ZNF385C: variants seen among roughly 807,000 people sequenced by gnomAD.
ZNF385C encodes zinc finger protein 385C, also known as CTD-2132N18.2.
ZNF385C carries 28 observed loss-of-function variants against 35.4 expected under a neutral mutation model. The observed-to-expected ratio is 0.79, with a 90% confidence interval of 0.59 to 1.08. The LOEUF is 1.08. Ranked by LOEUF, ZNF385C falls within the 50% of genes least tolerant of loss-of-function variation. The probability of loss-of-function intolerance (pLI) is 0.00; values close to 1 mark genes in which losing one functional copy is unlikely to be tolerated. For missense variants in ZNF385C, 605 were observed against 595.6 expected, an observed-to-expected ratio of 1.02 and a Z score of -0.16; for synonymous variants, 248 against 248.2, an observed-to-expected ratio of 1.00 and a Z score of 0.01.
At chr17:42,059,339 T>G (rs1445031791) in intron 2 of ZNF385C, among the ~76,000 whole-genome samples, 4 of 152,240 alleles carry the variant, frequency 2.6e-5, no homozygotes, top group Non-Finnish European at 5.9e-5. Flanking sequence ...CCCAGCATCC[T>G]GCCTGAGCCC....
chr17:42,094,031 T>G (rs556737278), intron 1 of ZNF385C, among the ~76,000 whole-genome samples: 11 of 151,716 alleles, frequency 7.3e-5, no homozygotes, highest in African/African-American at 2.7e-4. Flanking sequence ...TTGCCCAGGC[T>G]GGAGTGCAAT....
At chr17:42,029,392 CAT>C (rs1366311079) in intron 5 of ZNF385C, among the ~76,000 whole-genome samples, 41 of 152,346 alleles carry the variant, frequency 2.7e-4, no homozygotes, top group African/African-American at 9.6e-4. Flanking sequence ...AAACTACCCA[CAT>C]GTCCACCAAC....
In ZNF385C at chr17:42,031,747, G is replaced by A. The variant is rs1555655024; in HGVS notation, c.548C>T (p.Ala183Val). The A allele has an allele frequency of 6.4e-7, 1 of 1,550,888 alleles. No individual in the cohort carries two copies. Among genetic ancestry groups the A allele is most frequent in the South Asian group, 1.2e-5 (1 of 84,062 alleles). The change falls in exon 5 of 9, where the codon GCC becomes GTC. Residue 183 changes from alanine to valine, a missense_variant. Ala to Val is a moderately conservative substitution (Grantham distance 64, BLOSUM62 0). Transcript: ENST00000692273. ...AEAHYKGHKHARKLKAVEAAK... is the reference protein window; with the variant it reads ...AEAHYKGHKHVRKLKAVEAAK... ...AGCCTCGACAGCCTTGAGTTTTCTGGCGTGTTTGTGGCCTTTATAATGTGC... is the reference window on the plus strand; with the variant it reads ...AGCCTCGACAGCCTTGAGTTTTCTGACGTGTTTGTGGCCTTTATAATGTGC...
intron 1 of ZNF385C, among the ~76,000 whole-genome samples, chr17:42,063,396 C>T (rs554419141): frequency 3.3e-5 from 5 of 152,206 alleles, no homozygotes; most frequent in South Asian, 4.1e-4. Context: ...GGCATGGTGG[C>T]GCATGCCTGT....
intron 2 of ZNF385C, among the ~76,000 whole-genome samples, chr17:42,041,445 C>T (rs540944719): frequency 2.6e-5 from 4 of 152,342 alleles, no homozygotes; most frequent in East Asian, 1.9e-4. Flanking sequence ...CCACCACACC[C>T]GGTCTAGTTT....
At chr17:42,052,984 A>T (rs2053312041) in intron 2 of ZNF385C, among the ~76,000 whole-genome samples, 1 of 152,220 alleles carries the variant, frequency 6.6e-6, no homozygotes, top group Admixed American at 6.5e-5. Flanking sequence ...TCTGCGAAGA[A>T]TATGGGAGTC....
chr17:42,064,666 TCTC>T (rs2143863755), intron 1 of ZNF385C, among the ~76,000 whole-genome samples: 1 of 152,198 alleles, frequency 6.6e-6, no homozygotes, highest in South Asian at 2.1e-4. Context: ...TTCAAGTGAT[TCTC>T]CTGCCTCAAC....
chr17:42,079,203 A>ATAT (rs1555659528), intron 1 of ZNF385C, among the ~76,000 whole-genome samples: 1 of 113,822 alleles, frequency 8.8e-6, no homozygotes, highest in East Asian at 2.2e-4. Context: ...AAAAAAAAAA[A>ATAT]ATATATATAT....
intron 1 of ZNF385C, among the ~76,000 whole-genome samples, chr17:42,091,721 C>T (rs1336184425): frequency 6.6e-6 from 1 of 152,200 alleles, no homozygotes; most frequent in Non-Finnish European, 1.5e-5. Flanking sequence ...GTCTCATTCC[C>T]AATTAGCACC....
intron 1 of ZNF385C, among the ~76,000 whole-genome samples, chr17:42,088,832 C>CT (rs1437890016): frequency 1.3e-5 from 2 of 152,022 alleles, no homozygotes; most frequent in Non-Finnish European, 2.9e-5. Flanking sequence ...TTACCCTGCC[C>CT]TTTTTTACCC....
chr17:42,088,748 T>G (rs2053835632), intron 1 of ZNF385C, among the ~76,000 whole-genome samples: 1 of 151,906 alleles, frequency 6.6e-6, no homozygotes, highest in African/African-American at 2.4e-5. Context: ...GAGCTAAGGG[T>G]GTGGGAATGG....
intron 2 of ZNF385C, among the ~76,000 whole-genome samples, chr17:42,058,494 C>A (rs1460051645): frequency 6.6e-6 from 1 of 152,142 alleles, no homozygotes; most frequent in East Asian, 1.9e-4. Flanking sequence ...CCCCAGGGAG[C>A]CTCCACCAGG....
chr17:42,053,865 G>A (rs1341311175), intron 2 of ZNF385C, among the ~76,000 whole-genome samples: 11 of 152,090 alleles, frequency 7.2e-5, no homozygotes, highest in Admixed American at 2.6e-4. Context: ...GCCTTTGGAG[G>A]CACCACCGCG....
At chr17:42,037,662 G>T in intron 3 of ZNF385C, 75 bp downstream of exon 3, 1 of 1,439,238 alleles carries the variant, frequency 6.9e-7, no homozygotes, top group Non-Finnish European at 9.2e-7. Flanking sequence ...GCTGAGAGCT[G>T]GACCCTCTGA....
In ZNF385C at chr17:42,062,962, T is replaced by A. The variant is rs1221821327; in HGVS notation, c.95A>T (p.Lys32Met). Residue 32 changes from lysine to methionine, a missense_variant, in exon 2 of 9, where the codon AAG becomes ATG. Physicochemically the swap from Lys to Met is moderately conservative, Grantham distance 95. Coordinates refer to ENST00000692273, the MANE Select transcript of ZNF385C (RefSeq NM_001392013.1). The stretch of plus-strand genomic sequence containing the variant: ...TGGCCGCTTTCTTTCTCGCTTGGGC[T>A]TAGGTGGTTCTGGGGGCCGAGGGAG... ...ECLPRPPEPP[K>M]PKRERKRPSY... The A allele has an allele frequency of 1.4e-6, 1 of 693,902 alleles. No homozygotes were observed. The highest frequency in any genetic ancestry group is 1.8e-5 in the African/African-American group (1 of 56,466). 43.0% of individuals were successfully genotyped at this position (693,902 alleles called of 1,614,324 possible). A position where few individuals can be genotyped will look rare whatever the true frequency, so the allele number is the denominator to read the frequency against.
chr17:42,059,166 C>T (rs544665011), intron 2 of ZNF385C, among the ~76,000 whole-genome samples: 3 of 152,208 alleles, frequency 2.0e-5, no homozygotes, highest in Non-Finnish European at 4.4e-5. Context: ...GACCCGTCCC[C>T]ACTGCCTTAG....
At position 42,037,750 on chromosome 17, in the gene ZNF385C, G is replaced by A. The variant is rs1555655621; in HGVS notation, c.386C>T (p.Pro129Leu). Residue 129 changes from proline (P) to leucine (L), a missense_variant, in exon 3 of 9, where the codon CCC becomes CTC. Coordinates refer to ENST00000692273, the MANE Select transcript of ZNF385C (RefSeq NM_001392013.1). ...CCCAGCCCATACCGTGCTGAAGTTGGGGAAGAGACTGAGCGGGGCAGCGCC... is the reference window on the plus strand; with the variant it reads ...CCCAGCCCATACCGTGCTGAAGTTGAGGAAGAGACTGAGCGGGGCAGCGCC... ...FNGAAPLSLF[P>L]NFSTMDPVQK... is the part of the protein sequence containing the mutation. The A allele has an allele frequency of 1.3e-6, 2 of 1,534,466 alleles. No individual in the cohort carries two copies. Among genetic ancestry groups the A allele is most frequent in the Non-Finnish European group, 1.8e-6 (2 of 1,140,194 alleles).
intron 2 of ZNF385C, among the ~76,000 whole-genome samples, chr17:42,058,550 G>GGCCT (rs1555657754): frequency 6.6e-6 from 1 of 152,204 alleles, no homozygotes; most frequent in Non-Finnish European, 1.5e-5. Flanking sequence ...GGGGCACACT[G>GGCCT]GCCTAGTCCC....
chr17:42,067,933 C>T (rs1481218392), intron 1 of ZNF385C, among the ~76,000 whole-genome samples: 8 of 152,160 alleles, frequency 5.3e-5, no homozygotes, highest in Non-Finnish European at 7.4e-5. Flanking sequence ...ACAGGCGGGC[C>T]GGGGACATCG....
Sources: gnomAD v4.1 joint callset for allele counts (sites outside exome capture counted in the v4.1 genomes callset) on GRCh38, gnomAD v4.1.1 for gene constraint, MANE v1.5 for transcripts, NCBI Gene and HGNC (gene_info 2026-07-23, HGNC 2026-07-21) for gene names.